GRM7: variants seen among roughly 807,000 people sequenced by gnomAD.
The protein encoded by GRM7 is metabotropic glutamate receptor 7.
Under a neutral mutation model 84.5 loss-of-function variants are expected in GRM7, and 35 were observed. The observed-to-expected ratio is 0.41, with a 90% CI of 0.32 to 0.55. The LOEUF (loss-of-function observed/expected upper bound fraction) is 0.55. Among genes scored for constraint, GRM7 ranks in the 20% least tolerant of loss-of-function variants. The probability of loss-of-function intolerance (pLI) is 0.19; values close to 1 mark genes in which losing one functional copy is unlikely to be tolerated. For missense variants in GRM7, 1,003 were observed against 1,194.6 expected, an observed-to-expected ratio of 0.84 and a Z score of 2.36; for synonymous variants, 487 against 455.1, an observed-to-expected ratio of 1.07 and a Z score of -0.89.
intron 4 of GRM7, among the ~76,000 whole-genome samples, chr3:7,374,886 G>A (rs886592636): frequency 1.3e-5 from 2 of 152,070 alleles, no homozygotes; most frequent in African/African-American, 4.8e-5. Flanking sequence ...AGCTTTCTGA[G>A]TTTGTGACCT....
chr3:6,868,959 A>C (rs1313734132), intron 1 of GRM7, among the ~76,000 whole-genome samples: 7 of 152,206 alleles, frequency 4.6e-5, no homozygotes, highest in Non-Finnish European at 1.0e-4. Context: ...TTCTTGATGG[A>C]AAGTAGCAAG....
At chr3:6,907,408 A>G (rs1442958806) in intron 1 of GRM7, among the ~76,000 whole-genome samples, 5 of 152,210 alleles carry the variant, frequency 3.3e-5, no homozygotes, top group African/African-American at 1.2e-4. Flanking sequence ...GCTGAACAAG[A>G]TAAGTAACAG....
intron 9 of GRM7, among the ~76,000 whole-genome samples, chr3:7,695,192 G>T (rs1435885985): frequency 6.7e-6 from 1 of 148,710 alleles, no homozygotes; most frequent in Non-Finnish European, 1.5e-5. Flanking sequence ...AGACTCTCCA[G>T]ACTGGTGTTG....
At chr3:7,198,343 A>G (rs1261862213) in intron 2 of GRM7, among the ~76,000 whole-genome samples, 1 of 152,170 alleles carries the variant, frequency 6.6e-6, no homozygotes, top group African/African-American at 2.4e-5. Flanking sequence ...AATCTAATTT[A>G]TAGTGATAGA....
intron 1 of GRM7, among the ~76,000 whole-genome samples, chr3:7,120,293 C>G (rs1462662854): frequency 2.0e-5 from 3 of 152,046 alleles, no homozygotes; most frequent in African/African-American, 7.2e-5. Flanking sequence ...TAAAATCTGT[C>G]TCCCAAATCC....
chr3:7,620,236 A>G (rs1697293298), intron 8 of GRM7, among the ~76,000 whole-genome samples: 1 of 152,186 alleles, frequency 6.6e-6, no homozygotes, highest in Admixed American at 6.6e-5. Flanking sequence ...AAAATGTTTT[A>G]GTGTAAAATA....
intron 1 of GRM7, among the ~76,000 whole-genome samples, chr3:7,069,687 A>G (rs1559418961): frequency 6.6e-6 from 1 of 152,096 alleles, no homozygotes; most frequent in Non-Finnish European, 1.5e-5. Flanking sequence ...TTCTGGTTAT[A>G]TAACTCTGGT....
At chr3:7,377,048 A>C (rs965840595) in intron 4 of GRM7, among the ~76,000 whole-genome samples, 1 of 152,226 alleles carries the variant, frequency 6.6e-6, no homozygotes, top group African/African-American at 2.4e-5. Flanking sequence ...CTTTAGAAGA[A>C]AGTAAGAAAA....
rs888138772 is a variant in GRM7, at chr3:7,062,368, C to T, written c.520-84084C>T. ...TGAGTTTTGTAAAAGGAGCACCCAT[C>T]TGCAACTGAAGGAAGAAACAAGGAG... On this transcript the variant is annotated intron_variant, in intron 1 of 9. Coordinates refer to ENST00000357716, the MANE Select transcript of GRM7 (RefSeq NM_000844.4). Among the ~76,000 whole-genome samples the T allele has an allele frequency of 7.9e-5, 12 of 151,726 alleles. 1 individual carries two copies. The highest frequency in any genetic ancestry group is 4.0e-4 in the Admixed American group (6 of 15,166).
At chr3:7,168,786 AACT>A (rs1291047753) in intron 2 of GRM7, among the ~76,000 whole-genome samples, 1 of 152,214 alleles carries the variant, frequency 6.6e-6, no homozygotes, top group Non-Finnish European at 1.5e-5. Flanking sequence ...GTCATTGAGT[AACT>A]ACCAAGACTA....
chr3:7,168,951 G>A (rs1694895643), intron 2 of GRM7, among the ~76,000 whole-genome samples: 1 of 152,142 alleles, frequency 6.6e-6, no homozygotes, highest in Non-Finnish European at 1.5e-5. Flanking sequence ...AAAGGTATCT[G>A]CATTCTTATA....
intron 4 of GRM7, among the ~76,000 whole-genome samples, chr3:7,401,882 A>G (rs1255338342): frequency 6.6e-6 from 1 of 152,182 alleles, no homozygotes; most frequent in African/African-American, 2.4e-5. Flanking sequence ...AATGACAGAC[A>G]AACACTGGGA....
chr3:7,282,746 G>C (rs1007001931), intron 2 of GRM7, among the ~76,000 whole-genome samples: 5 of 152,104 alleles, frequency 3.3e-5, no homozygotes, highest in African/African-American at 9.7e-5. Flanking sequence ...TTCTCAAAAT[G>C]TTTAATATAT....
At chr3:7,143,204 T>G (rs755689490) in intron 1 of GRM7, among the ~76,000 whole-genome samples, 3 of 152,174 alleles carry the variant, frequency 2.0e-5, no homozygotes, top group Non-Finnish European at 4.4e-5. Context: ...TAGGTACCAG[T>G]AGTAGCACGC....
intron 7 of GRM7, among the ~76,000 whole-genome samples, chr3:7,479,411 A>G (rs1434947720): frequency 6.6e-6 from 1 of 151,908 alleles, no homozygotes; most frequent in Non-Finnish European, 1.5e-5. Flanking sequence ...CAGAGAGGCA[A>G]AGAGTGCGCC....
chr3:7,729,791 C>T (rs750929218), intron 9 of GRM7, among the ~76,000 whole-genome samples: 10 of 151,610 alleles, frequency 6.6e-5, no homozygotes, highest in East Asian at 1.9e-4. Flanking sequence ...CTGCAACCTC[C>T]GCCTCCTGGG....
chr3:7,736,605 T>C (rs1702508755), intron 9 of GRM7, among the ~76,000 whole-genome samples: 1 of 152,106 alleles, frequency 6.6e-6, no homozygotes, highest in Non-Finnish European at 1.5e-5. Context: ...GACAACACTG[T>C]AGTAGCAAGA....
intron 5 of GRM7, among the ~76,000 whole-genome samples, chr3:7,430,112 T>A (rs916005451): frequency 1.3e-5 from 2 of 152,182 alleles, no homozygotes; most frequent in Non-Finnish European, 2.9e-5. Context: ...TAGAGAGACC[T>A]TATCTCAAAT....
chr3:7,624,651 C>G (rs1430999131), intron 8 of GRM7, among the ~76,000 whole-genome samples: 1 of 152,062 alleles, frequency 6.6e-6, no homozygotes, highest in Non-Finnish European at 1.5e-5. Flanking sequence ...TCTACCATCT[C>G]CGAGTTGTTA....
Sources: allele counts gnomAD v4.1 joint callset (sites outside exome capture counted in the v4.1 genomes callset), GRCh38; gene constraint gnomAD v4.1.1; transcripts MANE v1.5; gene names NCBI Gene and HGNC (gene_info 2026-07-23, HGNC 2026-07-21).